Variants in PRDM5 observed in about 807,000 individuals in gnomAD.
PRDM5 encodes the protein PR domain zinc finger protein 5.
In PRDM5, 56 loss-of-function variants were observed where a neutral mutation model predicts 81.2. The observed-to-expected ratio is 0.69, with a 90% confidence interval of 0.56 to 0.86. The LOEUF (loss-of-function observed/expected upper bound fraction) is 0.86. Ranked by LOEUF, PRDM5 falls within the 40% of genes least tolerant of loss-of-function variation. The pLI is 0.00. For missense variants in PRDM5, 697 were observed against 770.1 expected (o/e 0.91, Z 1.12); for synonymous variants, 267 against 256.4 (o/e 1.04, Z -0.39).
At chr4:120,797,268 C>T (rs1007850683) in intron 10 of PRDM5, among the ~76,000 whole-genome samples, 3 of 152,162 alleles carry the variant, frequency 2.0e-5, no homozygotes, top group Non-Finnish European at 4.4e-5. Flanking sequence ...ATGTAGAGAA[C>T]TCTGAATGAC....
At chr4:120,847,673 T>C (rs1758811759) in intron 3 of PRDM5, among the ~76,000 whole-genome samples, 1 of 152,194 alleles carries the variant, frequency 6.6e-6, no homozygotes, top group Admixed American at 6.5e-5. Context: ...TGGGGTAAAT[T>C]TGTTACATAA....
chr4:120,753,267 C>T (rs1211480184), intron 14 of PRDM5, among the ~76,000 whole-genome samples: 1 of 152,128 alleles, frequency 6.6e-6, no homozygotes, highest in South Asian at 2.1e-4. Flanking sequence ...TTTCATAATA[C>T]TCATTGTGAA....
intron 3 of PRDM5, among the ~76,000 whole-genome samples, chr4:120,849,833 G>A (rs1169384442): frequency 6.6e-6 from 1 of 151,966 alleles, no homozygotes; most frequent in Non-Finnish European, 1.5e-5. Context: ...CACTTCCTAT[G>A]GAGCTTAAGG....
chr4:120,907,627 T>C (rs1765985712), intron 1 of PRDM5, 70 bp from the exon 2 acceptor site: 5 of 1,236,834 alleles, frequency 4.0e-6, no homozygotes, highest in Non-Finnish European at 6.0e-6. Flanking sequence ...AACGACTTTT[T>C]TCTTCTGGAA....
chr4:120,863,722 G>A (rs571255155), intron 2 of PRDM5, among the ~76,000 whole-genome samples: 5 of 152,284 alleles, frequency 3.3e-5, no homozygotes, highest in Admixed American at 2.6e-4. Flanking sequence ...AGAATATTCA[G>A]GAGTAATTAT....
intron 2 of PRDM5, among the ~76,000 whole-genome samples, chr4:120,878,484 A>G (rs867331583): frequency 6.6e-6 from 1 of 152,178 alleles, no homozygotes; most frequent in African/African-American, 2.4e-5. Flanking sequence ...ACATAGGAAA[A>G]TATCTAGGTA....
intron 4 of PRDM5, among the ~76,000 whole-genome samples, chr4:120,820,157 A>T (rs141494402): frequency 5.3e-5 from 8 of 152,326 alleles, no homozygotes; most frequent in Non-Finnish European, 1.2e-4. Context: ...CCTTTAGGAG[A>T]TGATTAGGTT....
chr4:120,821,029 A>G lies in PRDM5; in HGVS notation c.475+142T>C, dbSNP rs1050700453. The stretch of plus-strand genomic sequence containing the variant: ...GTAACAAAGATGAGTCCACCACAGG[A>G]TACCCTCGAGAATAATTTTGACAAA... On this transcript the variant is annotated intron_variant, in intron 4 of 15. Transcript: ENST00000264808. The G allele has an allele frequency of 8.0e-6, 8 of 1,001,456 alleles. No homozygotes were observed. In the African/African-American group the frequency reaches 1.3e-4, roughly 16 times the overall value. The allele number at this position is 1,001,456 out of a possible 1,614,324, so 62.0% of individuals were successfully genotyped here. A position where few individuals can be genotyped will look rare whatever the true frequency, so the allele number is the denominator to read the frequency against.
chr4:120,739,309 G>C (rs1401153063), intron 14 of PRDM5, among the ~76,000 whole-genome samples: 1 of 152,176 alleles, frequency 6.6e-6, no homozygotes, highest in East Asian at 1.9e-4. Context: ...TTAATGTAAA[G>C]AGCAGCAGGT....
chr4:120,828,936 A>G lies in PRDM5; in HGVS notation c.301-7591T>C, dbSNP rs186175374. 2.0e-4 allele frequency among the ~76,000 whole-genome samples: 30 copies of G among 152,168 alleles called. No homozygotes were observed. In the East Asian group the frequency reaches 5.4e-3, roughly 27 times the overall value. ...TTTATCTGTAAAATGATAGAGTTGG[A>G]CTTTATAATCTCATCCCTTCTAGAG... On this transcript the variant is annotated intron_variant, in intron 3 of 15. Coordinates refer to ENST00000264808, the MANE Select transcript of PRDM5 (RefSeq NM_018699.4).
chr4:120,766,054 G>T (rs762496600), intron 13 of PRDM5, among the ~76,000 whole-genome samples: 6 of 151,756 alleles, frequency 4.0e-5, no homozygotes, highest in Non-Finnish European at 7.4e-5. Context: ...CCACCACCTG[G>T]GTTCAAGCGA....
At chr4:120,790,950 C>A (rs1436610054) in intron 10 of PRDM5, among the ~76,000 whole-genome samples, 1 of 148,038 alleles carries the variant, frequency 6.8e-6, no homozygotes, top group African/African-American at 2.4e-5. Flanking sequence ...CAAAAACAAA[C>A]AAACAAAAAA....
At chr4:120,880,119 T>C (rs1762703372) in intron 2 of PRDM5, among the ~76,000 whole-genome samples, 1 of 152,098 alleles carries the variant, frequency 6.6e-6, no homozygotes. Context: ...AACACGAGGG[T>C]AGACATGGGA....
chr4:120,795,410 A>G (rs1234677551), intron 10 of PRDM5, among the ~76,000 whole-genome samples: 1 of 152,176 alleles, frequency 6.6e-6, no homozygotes, highest in East Asian at 1.9e-4. Flanking sequence ...CACTGGTTCA[A>G]TTGTGATTTA....
intron 11 of PRDM5, among the ~76,000 whole-genome samples, chr4:120,784,294 C>T (rs1294006061): frequency 6.6e-6 from 1 of 151,988 alleles, no homozygotes; most frequent in East Asian, 1.9e-4. Flanking sequence ...ATGTATGAAA[C>T]TTAATCAGAA....
intron 10 of PRDM5, among the ~76,000 whole-genome samples, chr4:120,788,297 G>A (rs767971444): frequency 5.9e-5 from 9 of 151,960 alleles, no homozygotes; most frequent in Non-Finnish European, 1.2e-4. Context: ...TCATACTTTA[G>A]GTGACAAAAG....
chr4:120,813,767 T>G (rs536662901), intron 7 of PRDM5, among the ~76,000 whole-genome samples: 2 of 152,288 alleles, frequency 1.3e-5, no homozygotes, highest in South Asian at 4.2e-4. Flanking sequence ...GTCCTACTAG[T>G]TGGGATGGTC....
intron 11 of PRDM5, among the ~76,000 whole-genome samples, chr4:120,783,863 C>A (rs1749387929): frequency 6.6e-6 from 1 of 152,024 alleles, no homozygotes; most frequent in Non-Finnish European, 1.5e-5. Flanking sequence ...TTTAAGAAAT[C>A]TTAGTATCTT....
chr4:120,736,199 TTGTGTGTGTGTG>T lies in PRDM5; in HGVS notation c.1623+18342_1623+18353del, dbSNP rs57073985. 2.3e-3 allele frequency among the ~76,000 whole-genome samples: 340 copies of T among 145,238 alleles called. 1 individual carries two copies. The highest frequency in any genetic ancestry group is 3.3e-3 in the African/African-American group (127 of 39,010). ...CTTTCTATGCTTGAATACTATCCTT[TTGTGTGTGTGTG>T]TGTGTGTGTGTGTGTGTGTGTGTGT... is the stretch of plus-strand genomic sequence containing the variant. On this transcript the variant is annotated intron_variant, in intron 14 of 15. Coordinates refer to ENST00000264808, the MANE Select transcript of PRDM5 (RefSeq NM_018699.4).
Sources: gnomAD v4.1 joint callset for allele counts (sites outside exome capture counted in the v4.1 genomes callset) on GRCh38, gnomAD v4.1.1 for gene constraint, MANE v1.5 for transcripts, NCBI Gene and HGNC (gene_info 2026-07-23, HGNC 2026-07-21) for gene names.